The following ESRRB variants were observed in gnomAD, a reference collection of about 807,000 sequenced individuals.
ESRRB encodes steroid hormone receptor ERR2.
A neutral mutation model predicts 46.0 loss-of-function variants in ESRRB; 16 were observed. The ratio of observed to expected loss-of-function variants is 0.35; its 90% CI spans 0.24 to 0.53. The LOEUF (loss-of-function observed/expected upper bound fraction) is 0.53, where lower values mean the gene tolerates loss of function less well. ESRRB is among the 20% of genes least tolerant of loss of function. The pLI, the probability that ESRRB is intolerant of heterozygous loss-of-function variation, is 0.93. For synonymous variants in ESRRB, 246 were observed against 259.6 expected (o/e 0.95, Z 0.50); for missense variants, 488 against 607.4 (o/e 0.80, Z 2.07).
At chr14:76,479,732 G>C (rs1017821371) in intron 3 of ESRRB, among the ~76,000 whole-genome samples, 2 of 152,174 alleles carry the variant, frequency 1.3e-5, no homozygotes, top group African/African-American at 4.8e-5. Flanking sequence ...TGGTGCACTT[G>C]GCTGAGCCTG....
At chr14:76,408,591 CAAAAAAAAA>C (rs35955826) in intron 1 of ESRRB, among the ~76,000 whole-genome samples, 1,334 of 42,156 alleles carry the variant, frequency 0.032, 16 homozygotes, top group Middle Eastern at 0.054. Context: ...GACCCTGTCT[CAAAAAAAAA>C]AAAAAAAAAA....
rs765391919 is a variant in ESRRB at position 76,491,481 on chromosome 14, C to A, written c.885C>A (p.Ser295Arg). 6.2e-7 allele frequency: 1 copy of A among 1,607,000 alleles called. No homozygotes were observed. The highest frequency in any genetic ancestry group is 8.5e-7 in the Non-Finnish European group (1 of 1,177,212). ...GCCTCTCCCTGGGGGACCAGATGAG[C>A]CTGCTGCAGAGTGCCTGGATGGAAA... is the stretch of plus-strand genomic sequence containing the variant. Reference protein sequence around the residue: ...FSSLSLGDQMSLLQSAWMEIL... With the variant: ...FSSLSLGDQMRLLQSAWMEIL... Residue 295 changes from serine to arginine, a missense_variant, in exon 6 of 7, where the codon AGC becomes AGA. Transcript: ENST00000644823.
At chr14:76,375,343 T>C (rs550410230), upstream of ESRRB, among the ~76,000 whole-genome samples, 28 of 152,256 alleles carry the variant, frequency 1.8e-4, no homozygotes, top group African/African-American at 6.3e-4. Flanking sequence ...CGTTTGTAGC[T>C]GGGGATTCAG....
intron 1 of ESRRB, among the ~76,000 whole-genome samples, chr14:76,313,313 T>C (rs11159192): frequency 0.66 from 100,243 of 151,710 alleles, 34,606 homozygotes; most frequent in Admixed American, 0.78. Flanking sequence ...TCCCATCAAA[T>C]TCATTTTTTT....
intron 5 of ESRRB, among the ~76,000 whole-genome samples, chr14:76,491,014 T>G (rs1890202438): frequency 6.6e-6 from 1 of 151,998 alleles, no homozygotes; most frequent in Admixed American, 6.6e-5. Context: ...TACCAAAGCC[T>G]CCCCTGGTTT....
intron 1 of ESRRB, among the ~76,000 whole-genome samples, chr14:76,430,633 T>C (rs1411427118): frequency 6.6e-6 from 1 of 152,210 alleles, no homozygotes; most frequent in Non-Finnish European, 1.5e-5. Context: ...TGCTCAACTC[T>C]GTGAAGGAGG....
At chr14:76,414,668 T>TAAAAA (rs71452810) in intron 1 of ESRRB, among the ~76,000 whole-genome samples, 1,226 of 116,716 alleles carry the variant, frequency 0.011, 13 homozygotes, top group African/African-American at 0.012. Flanking sequence ...GTTTGTTCCT[T>TAAAAA]AAAAAAAAAA....
chr14:76,470,919 C>G (rs1476880928), intron 3 of ESRRB, among the ~76,000 whole-genome samples: 1 of 152,222 alleles, frequency 6.6e-6, no homozygotes, highest in Non-Finnish European at 1.5e-5. Context: ...TCTCGAACCC[C>G]TGGCATAAAG....
At chr14:76,350,028 T>C (rs927545109) in intron 1 of ESRRB, among the ~76,000 whole-genome samples, 1 of 152,170 alleles carries the variant, frequency 6.6e-6, no homozygotes, top group African/African-American at 2.4e-5. Flanking sequence ...AGACAAGTAT[T>C]CTTTTAGTGA....
At chr14:76,337,329 G>T (rs1263802466) in intron 1 of ESRRB, among the ~76,000 whole-genome samples, 1 of 152,162 alleles carries the variant, frequency 6.6e-6, no homozygotes, top group African/African-American at 2.4e-5. Context: ...CTTTCCCCTT[G>T]GAGCTGCCGT....
chr14:76,418,330 G>A (rs2139881271), intron 1 of ESRRB, among the ~76,000 whole-genome samples: 1 of 152,232 alleles, frequency 6.6e-6, no homozygotes, highest in South Asian at 2.1e-4. Flanking sequence ...ATAGTGCAGA[G>A]GACTCCTGTA....
Position 76,491,591 on chromosome 14 carries a change from A to G in ESRRB, c.995A>G (p.His332Arg). 1.3e-6 allele frequency: 2 copies of G among 1,588,370 alleles called. No homozygotes were observed. The highest frequency in any genetic ancestry group is 2.3e-5 in the East Asian group (1 of 44,046). ...YAEDYIMDEE[H>R]SRLAGLLELY... ...GAGGACTACATCATGGATGAGGAGC[A>G]CTCCCGCCTCGCGGGGCTGCTGGAG... Residue 332 changes from histidine to arginine, a missense_variant, in exon 6 of 7, where the codon CAC becomes CGC. Transcript: ENST00000644823.
chr14:76,404,695 T>C (rs879320823), intron 1 of ESRRB, among the ~76,000 whole-genome samples: 5 of 152,216 alleles, frequency 3.3e-5, no homozygotes, highest in Non-Finnish European at 7.3e-5. Flanking sequence ...CCCAGCCTTT[T>C]GAAAATACAC....
chr14:76,498,035 G>A (rs2140062536), intron 6 of ESRRB, among the ~76,000 whole-genome samples, 179 bp from the exon 7 acceptor site: 1 of 152,228 alleles, frequency 6.6e-6, no homozygotes, highest in South Asian at 2.1e-4. Flanking sequence ...CTGGGTTTGA[G>A]TCCCAGCTCT....
At chr14:76,399,212 A>G (rs1885831720) in intron 1 of ESRRB, among the ~76,000 whole-genome samples, 1 of 152,100 alleles carries the variant, frequency 6.6e-6, no homozygotes, top group Non-Finnish European at 1.5e-5. Flanking sequence ...CAGCGCGTAT[A>G]TATCTTTATT....
rs1169907378 is a variant in ESRRB, at chr14:76,356,143, A to G, written c.2+45227A>G. On this transcript the variant is annotated intron_variant, in intron 1 of 6. Transcript: ENST00000512784. ...TCACCACAAATGGATCGGTGAATGA[A>G]TGGGTGGAAGAGTCAGAGAAGGGGC... Among the ~76,000 whole-genome samples, 3 of 152,206 alleles carry G rather than the reference A, an allele frequency of 2.0e-5. No homozygotes were observed. The East Asian group carries it at 5.8e-4, about 29-fold the overall frequency.
intron 5 of ESRRB, among the ~76,000 whole-genome samples, chr14:76,488,774 G>C (rs888254991): frequency 1.3e-5 from 2 of 152,058 alleles, no homozygotes; most frequent in African/African-American, 4.8e-5. Context: ...AGCCCTCAAG[G>C]CTCCCCTTCC....
intron 1 of ESRRB, among the ~76,000 whole-genome samples, chr14:76,433,309 A>G (rs1887533204): frequency 6.6e-6 from 1 of 152,144 alleles, no homozygotes; most frequent in Non-Finnish European, 1.5e-5. Context: ...TACCACTAAT[A>G]TTTAACATCG....
chr14:76,486,194 C>G (rs11625043), intron 5 of ESRRB, among the ~76,000 whole-genome samples: 22,439 of 152,182 alleles, frequency 0.15, 2,083 homozygotes, highest in East Asian at 0.48. Context: ...TGGGGAATCA[C>G]TTGATGAATT....
Sources: allele counts gnomAD v4.1 joint callset (sites outside exome capture counted in the v4.1 genomes callset), GRCh38; gene constraint gnomAD v4.1.1; transcripts MANE v1.5; gene names NCBI Gene and HGNC (gene_info 2026-07-23, HGNC 2026-07-21).